Variants in RAI2 observed in about 807,000 individuals in gnomAD.
RAI2 encodes retinoic acid-induced protein 2.
In RAI2, 5 loss-of-function variants were observed where a neutral mutation model predicts 15.3. The observed-to-expected ratio is 0.33, with a 90% CI of 0.17 to 0.69. RAI2 has a LOEUF of 0.69. Among genes scored for constraint, RAI2 ranks in the 30% least tolerant of loss-of-function variants. The pLI is 0.69. For synonymous variants in RAI2, 191 were observed against 184.0 expected (o/e 1.04, Z -0.31); for missense variants, 424 against 424.7 (o/e 1.00, Z 0.01).
chrX:17,824,222 T>C, intron 1 of RAI2, among the ~76,000 whole-genome samples: 1 of 112,544 alleles, frequency 8.9e-6, no homozygotes. Context: ...GAAAATCTAC[T>C]TTTTGGAATC....
chrX:17,811,035 G>A (rs1186809554), intron 1 of RAI2, among the ~76,000 whole-genome samples: 1 of 112,354 alleles, frequency 8.9e-6, no homozygotes, highest in African/African-American at 3.2e-5. Flanking sequence ...TCCTGCAGAG[G>A]TAAAGGAGTA....
intron 1 of RAI2, among the ~76,000 whole-genome samples, chrX:17,804,000 C>A (rs769415085): frequency 1.5e-4 from 16 of 108,020 alleles, no homozygotes; most frequent in Middle Eastern, 4.7e-3. Context: ...TGCTCTGCAG[C>A]CCAGGCTGGA....
chrX:17,834,607 G>A (rs181660278), intron 1 of RAI2, among the ~76,000 whole-genome samples: 78 of 110,755 alleles, frequency 7.0e-4, no homozygotes, highest in Non-Finnish European at 1.2e-3. Flanking sequence ...TTTTCCTGGG[G>A]ACAACCTAAG....
intron 1 of RAI2, among the ~76,000 whole-genome samples, chrX:17,860,866 G>A (rs1328496984): frequency 3.8e-5 from 4 of 105,192 alleles, no homozygotes; most frequent in Non-Finnish European, 6.0e-5. Context: ...CGGGAGCGGG[G>A]CCCCGGCGCG....
chrX:17,855,885 T>G (rs1456618495), intron 1 of RAI2, among the ~76,000 whole-genome samples: 1 of 112,458 alleles, frequency 8.9e-6, no homozygotes, highest in Non-Finnish European at 1.9e-5. Flanking sequence ...GATTCTTTTT[T>G]TGTATTAAGT....
intron 1 of RAI2, among the ~76,000 whole-genome samples, chrX:17,856,775 T>C (rs2067612756): frequency 8.9e-6 from 1 of 112,074 alleles, no homozygotes; most frequent in African/African-American, 3.3e-5. Flanking sequence ...ACATACTTCT[T>C]CCAATAACAA....
chrX:17,806,455 C>T (rs1299069491), intron 1 of RAI2, among the ~76,000 whole-genome samples: 1 of 112,090 alleles, frequency 8.9e-6, no homozygotes, highest in Non-Finnish European at 1.9e-5. Context: ...TAAACAGTGG[C>T]AGTGTGGCTG....
At chrX:17,805,605 G>A (rs750742920) in intron 1 of RAI2, among the ~76,000 whole-genome samples, 4 of 112,703 alleles carry the variant, frequency 3.5e-5, no homozygotes, top group South Asian at 3.6e-4. Context: ...TGGGAAAAAC[G>A]CTGAGGCCCA....
chrX:17,814,081 G>C (rs148875594), intron 1 of RAI2, among the ~76,000 whole-genome samples: 1,341 of 110,787 alleles, frequency 0.012, 18 homozygotes, highest in African/African-American at 0.041. Context: ...TTTGGGAGAA[G>C]ATCCCAGACA....
chrX:17,801,846 G>A lies in RAI2; in HGVS notation c.165C>T (p.Ala55=). The A allele has an allele frequency of 7.4e-6, 9 of 1,211,106 alleles. No homozygotes were observed. Among genetic ancestry groups the A allele is most frequent in the Non-Finnish European group, 8.9e-6 (8 of 895,321 alleles). ...LVKKALVTVP[A]PSILNPPAES... is the part of the protein sequence containing the mutation. Reference sequence around the variant, plus strand: ...CGGCAGGGGGGTTCAGAATGGATGGGGCTGGCACGGTCACCAGGGCCTTCT... The same window carrying A: ...CGGCAGGGGGGTTCAGAATGGATGGAGCTGGCACGGTCACCAGGGCCTTCT... The change falls in exon 2 of 2, where the codon GCC becomes GCT. Residue 55 remains alanine, a synonymous_variant. Transcript: ENST00000451717.
chrX:17,806,003 T>G (rs1167883137), intron 1 of RAI2, among the ~76,000 whole-genome samples: 1 of 112,213 alleles, frequency 8.9e-6, no homozygotes, highest in Admixed American at 9.4e-5. Flanking sequence ...CCACTCTGAC[T>G]CTGAGTCAGC....
At chrX:17,856,957 G>C (rs1373910721) in intron 1 of RAI2, among the ~76,000 whole-genome samples, 1 of 111,578 alleles carries the variant, frequency 9.0e-6, no homozygotes, top group Admixed American at 9.5e-5. Context: ...CTTCTCACCA[G>C]CTGCCATCAG....
chrX:17,839,857 G>GA (rs2067377958), intron 1 of RAI2, among the ~76,000 whole-genome samples: 1 of 112,280 alleles, frequency 8.9e-6, no homozygotes, highest in South Asian at 3.7e-4. Context: ...TTCTGACATG[G>GA]AAAAAAATGT....
At chrX:17,831,930 T>C (rs1241400684) in intron 1 of RAI2, among the ~76,000 whole-genome samples, 1 of 112,424 alleles carries the variant, frequency 8.9e-6, no homozygotes, top group African/African-American at 3.2e-5. Flanking sequence ...CTTTCCCACC[T>C]GCTTCCAGAG....
intron 1 of RAI2, among the ~76,000 whole-genome samples, chrX:17,856,439 G>A (rs754276659): frequency 4.6e-4 from 52 of 112,037 alleles, no homozygotes; most frequent in African/African-American, 1.7e-3. Context: ...ACCATGTGAG[G>A]GCACAGCAAG....
chrX:17,800,779 A>G lies in RAI2; in HGVS notation c.1232T>C (p.Met411Thr), dbSNP rs2066895733. ...GCTGGGGTGGTTGGGCTGGCTGAGC[A>G]TCTCGGTAGCAGCATCACTGCTGCT... Reference protein sequence around the residue: ...HISSSDAATEMLSQPNHPSGE... With the variant: ...HISSSDAATETLSQPNHPSGE... The change falls in exon 2 of 2, where the codon ATG becomes ACG. Residue 411 changes from methionine to threonine, a missense_variant. By Grantham distance (81) the Met-to-Thr change is moderately conservative. Coordinates refer to ENST00000451717, the MANE Select transcript of RAI2 (RefSeq NM_021785.6). The G allele has an allele frequency of 1.8e-5, 22 of 1,209,701 alleles. No homozygotes were observed. The highest frequency in any genetic ancestry group is 2.5e-5 in the Non-Finnish European group (22 of 895,147).
chrX:17,826,036 T>C (rs965602528), intron 1 of RAI2, among the ~76,000 whole-genome samples: 2 of 112,390 alleles, frequency 1.8e-5, no homozygotes, highest in Non-Finnish European at 3.8e-5. Flanking sequence ...GTTTTATTTG[T>C]CTGCATAAAA....
At chrX:17,843,917 T>C (rs925634740) in intron 1 of RAI2, among the ~76,000 whole-genome samples, 3 of 112,692 alleles carry the variant, frequency 2.7e-5, no homozygotes, top group Non-Finnish European at 5.6e-5. Context: ...TTGGGAATCT[T>C]ATCTTAGATT....
At chrX:17,829,019 A>G (rs771703531) in intron 1 of RAI2, among the ~76,000 whole-genome samples, 3 of 111,045 alleles carry the variant, frequency 2.7e-5, no homozygotes, top group Admixed American at 9.6e-5. Context: ...CCTTTTAACC[A>G]TCTCGACACC....
Sources: gnomAD v4.1 joint callset for allele counts (sites outside exome capture counted in the v4.1 genomes callset) on GRCh38, gnomAD v4.1.1 for gene constraint, MANE v1.5 for transcripts, NCBI Gene and HGNC (gene_info 2026-07-23, HGNC 2026-07-21) for gene names.